Variants in PRMT8 observed in about 807,000 individuals in gnomAD.
PRMT8 encodes the protein protein arginine methyltransferase 8, also known as protein arginine N-methyltransferase 8.
A neutral mutation model predicts 47.1 loss-of-function variants in PRMT8; 7 were observed. That is an observed-to-expected ratio of 0.15 (90% CI 0.08 to 0.28). The LOEUF (loss-of-function observed/expected upper bound fraction) is 0.28. Among genes scored for constraint, PRMT8 ranks in the 10% least tolerant of loss-of-function variants. The probability of loss-of-function intolerance (pLI) is 1.00; values close to 1 mark genes in which losing one functional copy is unlikely to be tolerated. For missense variants in PRMT8, 237 were observed against 505.4 expected, an observed-to-expected ratio of 0.47 and a Z score of 5.09; for synonymous variants, 188 against 186.5, an observed-to-expected ratio of 1.01 and a Z score of -0.07.
chr12:3,490,998 C>A (rs1278603881), upstream of PRMT8, among the ~76,000 whole-genome samples: 3 of 152,092 alleles, frequency 2.0e-5, no homozygotes, highest in Non-Finnish European at 4.4e-5. Flanking sequence ...TCTGGGCCCC[C>A]CGCGCGGGCC....
At chr12:3,396,921 C>A (rs1449820358) in intron 1 of PRMT8, among the ~76,000 whole-genome samples, 3 of 151,792 alleles carry the variant, frequency 2.0e-5, no homozygotes, top group Non-Finnish European at 1.5e-5. Context: ...TCTTTTTATT[C>A]TTTTTTCTCT....
rs1262385651 is a variant in PRMT8, at chr12:3,508,262, G to T, written c.75+16562G>T. 1.3e-5 allele frequency among the ~76,000 whole-genome samples: 2 copies of T among 152,204 alleles called. No individual in the cohort carries two copies. Among genetic ancestry groups the T allele is most frequent in the African/African-American group, 4.8e-5 (2 of 41,442 alleles). ...ATAAATGACCTATTCCAGACAGACT[G>T]CAGGGTGTCGGGATGTTTCTGTGTG... On this transcript the variant is annotated intron_variant, in intron 1 of 9. Coordinates refer to ENST00000382622, the MANE Select transcript of PRMT8 (RefSeq NM_019854.5). This position sits in a 1 kb window ranked among gnomAD's most constrained non-coding sequence, Gnocchi z 4.9.
chr12:3,528,499 C>T lies in PRMT8; in HGVS notation c.76-12107C>T, dbSNP rs188350177. Among the ~76,000 whole-genome samples, 172 of 152,196 alleles carry T rather than the reference C, an allele frequency of 1.1e-3. 1 individual carries two copies. Among genetic ancestry groups the T allele is most frequent in the African/African-American group, 3.9e-3 (163 of 41,526 alleles). On this transcript the variant is annotated intron_variant, in intron 1 of 9. Coordinates refer to ENST00000382622, the MANE Select transcript of PRMT8 (RefSeq NM_019854.5). ...GTTTTTATCTCTAGAAGTTCAATTT[C>T]GGTCGTTTAAATATCTTCCATATCT...
chr12:3,422,474 A>C (rs931159609), intron 1 of PRMT8, among the ~76,000 whole-genome samples: 1 of 152,156 alleles, frequency 6.6e-6, no homozygotes, highest in Non-Finnish European at 1.5e-5. Flanking sequence ...CATATCCAAA[A>C]ACCGAGCTCC....
At chr12:3,459,902 G>T (rs148814269) in intron 1 of PRMT8, among the ~76,000 whole-genome samples, 19 of 152,278 alleles carry the variant, frequency 1.2e-4, no homozygotes, top group African/African-American at 4.6e-4. Flanking sequence ...TACATCTGGT[G>T]CTGAGAATGA....
intron 7 of PRMT8, 101 bp from the exon 8 acceptor site, chr12:3,582,957 A>C: frequency 7.3e-7 from 1 of 1,378,914 alleles, no homozygotes; most frequent in Non-Finnish European, 9.9e-7. Flanking sequence ...TCCCTCAGAG[A>C]GCTGACAGAC....
rs201402290 is a variant in PRMT8 at position 3,568,776 on chromosome 12, C to T, written c.552C>T (p.Ser184=). The change falls in exon 5 of 10, where the codon AGC becomes AGT. Residue 184 remains serine, a synonymous_variant. Coordinates refer to ENST00000382622, the MANE Select transcript of PRMT8 (RefSeq NM_019854.5). ...TGGAGAAGGTGGACATCATCATCAG[C>T]GAGTGGATGGGCTACTGTCTGTTCT... is the stretch of plus-strand genomic sequence containing the variant. ...LPVEKVDIII[S]EWMGYCLFYE... is the part of the protein sequence containing the mutation. The T allele has an allele frequency of 7.7e-5, 125 of 1,614,096 alleles. No individual in the cohort carries two copies. The highest frequency in any genetic ancestry group is 2.0e-4 in the Admixed American group (12 of 60,008).
At chr12:3,457,842 CTTT>C (rs762181050) in intron 1 of PRMT8, among the ~76,000 whole-genome samples, 2 of 81,100 alleles carry the variant, frequency 2.5e-5, no homozygotes, top group African/African-American at 1.1e-4. Context: ...TTCCAGTTTG[CTTT>C]TTTTTTTTTT....
intron 1 of PRMT8, among the ~76,000 whole-genome samples, chr12:3,444,752 C>T (rs371780545): frequency 1.3e-4 from 20 of 152,220 alleles, no homozygotes; most frequent in Admixed American, 3.9e-4. Context: ...CCAGCAGTTC[C>T]GTGGGAGATT....
intron 1 of PRMT8, among the ~76,000 whole-genome samples, chr12:3,448,195 G>T (rs1020508700): frequency 6.6e-6 from 1 of 152,064 alleles, no homozygotes; most frequent in Non-Finnish European, 1.5e-5. Flanking sequence ...TGTAGAGGTG[G>T]GGTCTTGTTA....
chr12:3,482,216 G>A (rs1020572919), intron 1 of PRMT8, among the ~76,000 whole-genome samples: 3 of 152,166 alleles, frequency 2.0e-5, no homozygotes, highest in East Asian at 3.8e-4. Flanking sequence ...TATCCTGCCC[G>A]AGATGACAAT....
chr12:3,475,250 A>T (rs1436523318), intron 1 of PRMT8, among the ~76,000 whole-genome samples: 1 of 152,138 alleles, frequency 6.6e-6, no homozygotes. Flanking sequence ...AGAGGGGGAC[A>T]TTGTGGGCAG....
intron 1 of PRMT8, among the ~76,000 whole-genome samples, chr12:3,410,404 A>G (rs1864415393): frequency 6.6e-6 from 1 of 152,112 alleles, no homozygotes; most frequent in African/African-American, 2.4e-5. Context: ...CCCCATAATC[A>G]AATCCTGTAT....
At chr12:3,526,728 T>G (rs1219178076) in intron 1 of PRMT8, among the ~76,000 whole-genome samples, 1 of 152,214 alleles carries the variant, frequency 6.6e-6, no homozygotes, top group Non-Finnish European at 1.5e-5. Flanking sequence ...GACTCCTTTA[T>G]CATTATGAAA....
At chr12:3,482,249 C>T (rs981979500) in intron 1 of PRMT8, among the ~76,000 whole-genome samples, 10 of 152,148 alleles carry the variant, frequency 6.6e-5, no homozygotes, top group Admixed American at 1.3e-4. Flanking sequence ...AAAAAGAAGG[C>T]GAAAGGAAGA....
intron 1 of PRMT8, among the ~76,000 whole-genome samples, chr12:3,383,301 T>C (rs1864109204): frequency 6.6e-6 from 1 of 152,248 alleles, no homozygotes; most frequent in Admixed American, 6.5e-5. Flanking sequence ...CATATATACA[T>C]TTGAGGGATA....
At chr12:3,445,571 T>C (rs1864847613) in intron 1 of PRMT8, among the ~76,000 whole-genome samples, 1 of 152,228 alleles carries the variant, frequency 6.6e-6, no homozygotes, top group Non-Finnish European at 1.5e-5. Context: ...GTAGCCTGTG[T>C]AGACAAATAG....
intron 1 of PRMT8, among the ~76,000 whole-genome samples, chr12:3,386,285 T>C (rs1864137149): frequency 6.6e-6 from 1 of 152,240 alleles, no homozygotes; most frequent in African/African-American, 2.4e-5. Context: ...ATCTCTCTTT[T>C]GATTGAGAAT....
Position 3,519,233 on chromosome 12 carries a change from G to C in PRMT8, c.76-21373G>C, listed in dbSNP as rs189397608. Among the ~76,000 whole-genome samples the C allele has an allele frequency of 5.4e-4, 81 of 151,352 alleles. 2 individuals carry two copies. The East Asian group carries it at 0.013, about 25-fold the overall frequency. Reference sequence around the variant, plus strand: ...GGGAAAAAGGAAACAGGGAATGACAGAGAGAGAGAGAGAAAAAGAAAATAA... The same window carrying C: ...GGGAAAAAGGAAACAGGGAATGACACAGAGAGAGAGAGAAAAAGAAAATAA... On this transcript the variant is annotated intron_variant, in intron 1 of 9. Coordinates refer to ENST00000382622, the MANE Select transcript of PRMT8 (RefSeq NM_019854.5).
Sources: allele counts gnomAD v4.1 joint callset (sites outside exome capture counted in the v4.1 genomes callset), GRCh38; gene constraint gnomAD v4.1.1; non-coding constraint Gnocchi (gnomAD v3.1); transcripts MANE v1.5; gene names NCBI Gene and HGNC (gene_info 2026-07-23, HGNC 2026-07-21).